Variants in RAI14 observed in about 807,000 individuals in gnomAD.
RAI14 encodes the protein retinoic acid induced 14, also known as ankycorbin.
In RAI14, 45 loss-of-function variants were observed where a neutral mutation model predicts 115.4. The observed-to-expected ratio is 0.39, with a 90% confidence interval of 0.31 to 0.50. The LOEUF (loss-of-function observed/expected upper bound fraction) is 0.50, where lower values mean the gene tolerates loss of function less well. Ranked by LOEUF, RAI14 falls within the 20% of genes least tolerant of loss-of-function variation. RAI14 has a pLI of 0.85. For synonymous variants in RAI14, 371 were observed against 415.4 expected (o/e 0.89, Z 1.30); for missense variants, 939 against 1,131.2 (o/e 0.83, Z 2.44).
At chr5:34,813,809 T>C in intron 11 of RAI14, 149 bp downstream of exon 11, 1 of 484,468 alleles carries the variant, frequency 2.1e-6, no homozygotes, top group Non-Finnish European at 3.5e-6. Context: ...TTACAAATTG[T>C]GGTAAGAAGG....
At chr5:34,660,672 G>A (rs1318408610) in intron 1 of RAI14, among the ~76,000 whole-genome samples, 2 of 152,066 alleles carry the variant, frequency 1.3e-5, no homozygotes, top group East Asian at 3.9e-4. Flanking sequence ...AAATGTTGCT[G>A]TGTTAGTGAC....
chr5:34,779,232 A>T (rs538172915), intron 3 of RAI14, among the ~76,000 whole-genome samples: 1 of 152,314 alleles, frequency 6.6e-6, no homozygotes, highest in South Asian at 2.1e-4. Context: ...TCAAAATAAT[A>T]AGAGCTATTT....
At chr5:34,763,965 C>A (rs1310259961) in intron 3 of RAI14, among the ~76,000 whole-genome samples, 1 of 152,164 alleles carries the variant, frequency 6.6e-6, no homozygotes, top group East Asian at 1.9e-4. Flanking sequence ...TGTTCTCCTG[C>A]CTCAGCCTCC....
At chr5:34,738,820 A>G (rs1745165702) in intron 2 of RAI14, among the ~76,000 whole-genome samples, 1 of 152,192 alleles carries the variant, frequency 6.6e-6, no homozygotes, top group Admixed American at 6.5e-5. Flanking sequence ...ATGCAGATAC[A>G]AGTTTTCCCT....
intron 3 of RAI14, among the ~76,000 whole-genome samples, chr5:34,795,190 C>T (rs1305745120): frequency 6.6e-6 from 1 of 152,192 alleles, no homozygotes; most frequent in African/African-American, 2.4e-5. Flanking sequence ...ATCCCTTCTT[C>T]TAGTGACCAG....
chr5:34,668,532 C>A (rs1329958677), intron 1 of RAI14, among the ~76,000 whole-genome samples: 1 of 152,102 alleles, frequency 6.6e-6, no homozygotes, highest in Non-Finnish European at 1.5e-5. Context: ...GACCCAGTTT[C>A]TATTTATCAT....
chr5:34,814,654 T>G lies in RAI14; in HGVS notation c.924T>G (p.Ala308=), dbSNP rs149123037. 6 of 1,609,826 alleles carry G rather than the reference T, an allele frequency of 3.7e-6. No homozygotes were observed. In the African/African-American group the frequency reaches 8.0e-5, roughly 22 times the overall value. Residue 308 remains alanine (A), a synonymous_variant, in exon 12 of 18, where the codon GCT becomes GCG. Transcript: ENST00000265109. ...CGGGAAAGGAATCGGTATTTTTTGC[T>G]GAACCACCCTTCAAGGTATTTCCTT... ...PLSGKESVFF[A]EPPFKAEISS... is the part of the protein sequence containing the mutation.
chr5:34,765,144 CT>C (rs1331940514), intron 3 of RAI14, among the ~76,000 whole-genome samples: 1 of 152,190 alleles, frequency 6.6e-6, no homozygotes, highest in Non-Finnish European at 1.5e-5. Context: ...AATTAAACCT[CT>C]TTTTCTTCCC....
Position 34,823,414 on chromosome 5 carries a change from G to T in RAI14, c.1572G>T (p.Glu524Asp). 6.2e-7 allele frequency: 1 copy of T among 1,614,102 alleles called. No homozygotes were observed. Among genetic ancestry groups the T allele is most frequent in the East Asian group, 2.2e-5 (1 of 44,880 alleles). The change falls in exon 15 of 18, where the codon GAG becomes GAT. Residue 524 changes from glutamate (E) to aspartate (D), a missense_variant. By Grantham distance (45) the Glu-to-Asp change is conservative. Coordinates refer to ENST00000265109, the MANE Select transcript of RAI14 (RefSeq NM_015577.3). The surrounding 1 kb of genome is among the most constrained non-coding windows in gnomAD (Gnocchi z 4.5). ...ESMDNYSHFH[E>D]LRVTEEEINV... ...TGGATAATTATTCACATTTCCACGA[G>T]CTGAGGGTCACGGAAGAGGAAATAA...
intron 1 of RAI14, among the ~76,000 whole-genome samples, chr5:34,678,136 C>T (rs1333722492): frequency 1.3e-5 from 2 of 150,496 alleles, no homozygotes; most frequent in African/African-American, 4.9e-5. Flanking sequence ...CTCACTCTGT[C>T]ACCCTGCCTG....
chr5:34,743,440 G>A (rs1288286875), intron 2 of RAI14, among the ~76,000 whole-genome samples: 1 of 151,962 alleles, frequency 6.6e-6, no homozygotes, highest in East Asian at 1.9e-4. Context: ...TCAGATTTAG[G>A]GTCTATCCCG....
intron 2 of RAI14, among the ~76,000 whole-genome samples, chr5:34,693,275 A>G (rs1738856769): frequency 6.6e-6 from 1 of 152,186 alleles, no homozygotes; most frequent in African/African-American, 2.4e-5. Context: ...CCATCCTAGA[A>G]CAGTTACACT....
At chr5:34,739,828 G>A (rs1035678265) in intron 2 of RAI14, among the ~76,000 whole-genome samples, 8 of 152,136 alleles carry the variant, frequency 5.3e-5, no homozygotes, top group South Asian at 2.1e-4. Context: ...TTGGGAGGCC[G>A]AGGCGGGCGG....
At chr5:34,759,751 C>T (rs900246010) in intron 3 of RAI14, among the ~76,000 whole-genome samples, 1 of 152,150 alleles carries the variant, frequency 6.6e-6, no homozygotes, top group Non-Finnish European at 1.5e-5. Context: ...TGAATCATCC[C>T]AAAACCATCC....
At chr5:34,728,234 G>A (rs1743725862) in intron 2 of RAI14, among the ~76,000 whole-genome samples, 1 of 152,186 alleles carries the variant, frequency 6.6e-6, no homozygotes, top group East Asian at 1.9e-4. Context: ...CTGGCTCATG[G>A]ATGGAAGGGA....
In RAI14 at chr5:34,713,690, C is replaced by T. The variant is rs571303189; in HGVS notation, c.36+26735C>T. ...TATTGGGATTACAGGCGTGAGCCGC[C>T]GTACTTGGCTGAGGAGCTTTTTAAT... On this transcript the variant is annotated intron_variant, in intron 2 of 17. Coordinates refer to ENST00000265109, the MANE Select transcript of RAI14 (RefSeq NM_015577.3). Among the ~76,000 whole-genome samples the T allele has an allele frequency of 5.8e-4, 88 of 152,268 alleles. 1 individual carries two copies. Among genetic ancestry groups the T allele is most frequent in the Non-Finnish European group, 9.3e-4 (63 of 68,018 alleles).
chr5:34,774,854 C>T (rs1412423253), intron 3 of RAI14, among the ~76,000 whole-genome samples: 1 of 151,988 alleles, frequency 6.6e-6, no homozygotes, highest in African/African-American at 2.4e-5. Context: ...ATCCCATTAC[C>T]TGACTTCAAA....
chr5:34,811,691 T>G (rs1300144345), intron 8 of RAI14, 76 bp from the exon 9 acceptor site: 4 of 1,347,196 alleles, frequency 3.0e-6, no homozygotes, highest in Non-Finnish European at 1.0e-6. Context: ...TTTCTCTTTT[T>G]TTAAGACAAC....
intron 1 of RAI14, among the ~76,000 whole-genome samples, chr5:34,661,572 T>G (rs1014462583): frequency 1.3e-5 from 2 of 152,248 alleles, no homozygotes; most frequent in African/African-American, 4.8e-5. Flanking sequence ...CCACTCCTTT[T>G]AAATCTATGT....
Sources: allele counts gnomAD v4.1 joint callset (sites outside exome capture counted in the v4.1 genomes callset), GRCh38; gene constraint gnomAD v4.1.1; non-coding constraint Gnocchi (gnomAD v3.1); transcripts MANE v1.5; gene names NCBI Gene and HGNC (gene_info 2026-07-23, HGNC 2026-07-21).